The following DAB2IP variants were observed in gnomAD, a reference collection of about 807,000 sequenced individuals.
DAB2IP encodes the protein DAB2 interacting protein.
In DAB2IP, 28 loss-of-function variants were observed where a neutral mutation model predicts 107.2. That is an observed-to-expected ratio of 0.26 (90% CI 0.19 to 0.36). The LOEUF is 0.36. Among genes scored for constraint, DAB2IP ranks in the 10% least tolerant of loss-of-function variants. DAB2IP has a pLI of 1.00. For synonymous variants in DAB2IP, 755 were observed against 706.4 expected (o/e 1.07, Z -1.09); for missense variants, 1,400 against 1,644.7 (o/e 0.85, Z 2.57).
chr9:121,637,631 A>G (rs1398533723), intron 1 of DAB2IP, among the ~76,000 whole-genome samples: 1 of 152,136 alleles, frequency 6.6e-6, no homozygotes, highest in Non-Finnish European at 1.5e-5. Flanking sequence ...GGAGGCTCAG[A>G]CCTGCTGAAG....
intron 1 of DAB2IP, among the ~76,000 whole-genome samples, chr9:121,655,730 A>G (rs937484395): frequency 2.0e-4 from 31 of 152,248 alleles, no homozygotes; most frequent in African/African-American, 7.5e-4. Context: ...ACCCATAGCC[A>G]TGAGGGGTTT....
At chr9:121,774,381 G>A (rs762409892) in exon 13 of DAB2IP, 1 of 1,612,692 alleles carries the variant, frequency 6.2e-7, no homozygotes, top group Non-Finnish European at 8.5e-7. Context: ...GATAGGCTAA[G>A]GAGTAAGGAC....
intron 3 of DAB2IP, among the ~76,000 whole-genome samples, chr9:121,707,551 C>A (rs148830387): frequency 2.3e-4 from 35 of 152,306 alleles, no homozygotes; most frequent in African/African-American, 8.2e-4. Context: ...AAGCAGGGCC[C>A]TTGTTTTCAG....
intron 3 of DAB2IP, among the ~76,000 whole-genome samples, chr9:121,714,198 C>G (rs930113276): frequency 6.6e-6 from 1 of 152,200 alleles, no homozygotes; most frequent in Non-Finnish European, 1.5e-5. Context: ...ATATATATAG[C>G]AAGAGATGGC....
chr9:121,623,147 G>A (rs1343200925), intron 1 of DAB2IP, among the ~76,000 whole-genome samples: 1 of 152,196 alleles, frequency 6.6e-6, no homozygotes, highest in African/African-American at 2.4e-5. Flanking sequence ...TGACATGCCT[G>A]AGGTCAGCCC....
chr9:121,722,803 A>G (rs1313243167), intron 3 of DAB2IP, among the ~76,000 whole-genome samples: 12 of 152,170 alleles, frequency 7.9e-5, no homozygotes, highest in Non-Finnish European at 5.9e-5. Context: ...TAATGAGACT[A>G]TGTTTCAAAA....
exon 7 of DAB2IP, chr9:121,763,609 C>T: frequency 6.2e-7 from 1 of 1,613,810 alleles, no homozygotes; most frequent in Non-Finnish European, 8.5e-7. Context: ...TTGAGGAGTA[C>T]CTCAAGCTAG....
chr9:121,760,865 G>A lies in DAB2IP; in HGVS notation c.1170+426G>A, dbSNP rs911485602. 1.3e-5 allele frequency among the ~76,000 whole-genome samples: 2 copies of A among 152,140 alleles called. No individual in the cohort carries two copies. Among genetic ancestry groups the A allele is most frequent in the Non-Finnish European group, 2.9e-5 (2 of 68,026 alleles). The stretch of plus-strand genomic sequence containing the variant: ...GGAGTTCGGCAGACCTCCCCAGCAC[G>A]ATGCACAGATGAGCCTCCCTCACAG... On this transcript the variant is annotated intron_variant, in intron 6 of 15. Transcript: ENST00000408936. The surrounding 1 kb of genome is among the most constrained non-coding windows in gnomAD (Gnocchi z 5.9).
At chr9:121,719,374 G>A (rs1331802657) in intron 3 of DAB2IP, among the ~76,000 whole-genome samples, 4 of 152,182 alleles carry the variant, frequency 2.6e-5, no homozygotes, top group Admixed American at 1.3e-4. Context: ...AGGAGTTAAG[G>A]CTTGAAAGAG....
intron 8 of DAB2IP, among the ~76,000 whole-genome samples, chr9:121,765,324 T>C (rs2118986631): frequency 1.3e-5 from 2 of 152,358 alleles, no homozygotes; most frequent in South Asian, 4.1e-4. Flanking sequence ...GACAAGGCCA[T>C]TGATAGATGT....
intron 3 of DAB2IP, among the ~76,000 whole-genome samples, chr9:121,715,789 G>T (rs559863133): frequency 3.3e-5 from 5 of 152,346 alleles, no homozygotes; most frequent in African/African-American, 4.8e-5. Context: ...CAGCTGGACT[G>T]TCATCAGGTA....
chr9:121,659,803 AAAAAG>A (rs1426047883), intron 1 of DAB2IP, among the ~76,000 whole-genome samples: 1 of 152,098 alleles, frequency 6.6e-6, no homozygotes, highest in Non-Finnish European at 1.5e-5. Flanking sequence ...CAAAAAAAGA[AAAAAG>A]AAAAGAAAAA....
At chr9:121,678,697 G>T in exon 2 of DAB2IP, 1 of 1,578,464 alleles carries the variant, frequency 6.3e-7, no homozygotes. Flanking sequence ...AAGAAAGGCC[G>T]GGCTCTCGGC....
chr9:121,689,846 G>A (rs1442712209), intron 2 of DAB2IP, among the ~76,000 whole-genome samples: 2 of 152,218 alleles, frequency 1.3e-5, no homozygotes, highest in East Asian at 1.9e-4. Flanking sequence ...ACTAATCCCC[G>A]CATTGTACAG....
intron 1 of DAB2IP, among the ~76,000 whole-genome samples, chr9:121,630,996 A>T (rs1020558918): frequency 3.3e-5 from 5 of 152,232 alleles, no homozygotes; most frequent in Non-Finnish European, 1.5e-5. Flanking sequence ...AGAAAGGTAA[A>T]GGGCTCCTGC....
intron 1 of DAB2IP, among the ~76,000 whole-genome samples, chr9:121,627,276 C>T (rs1831691022): frequency 6.6e-6 from 1 of 152,100 alleles, no homozygotes; most frequent in Non-Finnish European, 1.5e-5. Flanking sequence ...ATTTCCACCT[C>T]GCGCTGCAGA....
intron 14 of DAB2IP, 142 bp from the exon 15 acceptor site, chr9:121,781,322 G>C (rs920761247): frequency 1.9e-5 from 14 of 743,814 alleles, no homozygotes; most frequent in Non-Finnish European, 1.6e-5. Flanking sequence ...CCCCAGGCAA[G>C]TATGGGAGGC....
chr9:121,698,060 G>C lies in DAB2IP; in HGVS notation c.229-1265G>C, dbSNP rs544471933. 6.6e-6 allele frequency among the ~76,000 whole-genome samples: 1 copy of C among 152,334 alleles called. No individual in the cohort carries two copies. The highest frequency in any genetic ancestry group is 1.5e-5 in the Non-Finnish European group (1 of 68,030). On this transcript the variant is annotated intron_variant, in intron 2 of 15. Coordinates refer to ENST00000408936, the Ensembl canonical transcript of DAB2IP. This position sits in a 1 kb window ranked among gnomAD's most constrained non-coding sequence, Gnocchi z 4.1. ...GATGGACAGATACAGCCCAGGGCCT[G>C]TGCCAAACATCCACTGCTCCTCTTG... is the stretch of plus-strand genomic sequence containing the variant.
intron 1 of DAB2IP, among the ~76,000 whole-genome samples, chr9:121,593,663 CTTTTTTTTTCTT>C (rs1830461857): frequency 5.9e-3 from 451 of 77,020 alleles, no homozygotes; most frequent in African/African-American, 0.027. Context: ...TTTCTTTTTT[CTTTTTTTTTCTT>C]TTTTTTTTTT....
Sources: gnomAD v4.1 joint callset for allele counts (sites outside exome capture counted in the v4.1 genomes callset) on GRCh38, gnomAD v4.1.1 for gene constraint, Gnocchi (gnomAD v3.1) non-coding constraint, MANE v1.5 for transcripts, NCBI Gene and HGNC (gene_info 2026-07-23, HGNC 2026-07-21) for gene names.